RASAL3: variants seen among roughly 807,000 people sequenced by gnomAD.
The protein encoded by RASAL3 is RAS protein activator like-3.
In RASAL3, 74 loss-of-function variants were observed where a neutral mutation model predicts 105.5. The observed-to-expected ratio is 0.70, with a 90% confidence interval of 0.58 to 0.85. The LOEUF (loss-of-function observed/expected upper bound fraction) is 0.85. Ranked by LOEUF, RASAL3 falls within the 40% of genes least tolerant of loss-of-function variation. The pLI is 0.00. For synonymous variants in RASAL3, 579 were observed against 591.6 expected, an observed-to-expected ratio of 0.98 and a Z score of 0.31; for missense variants, 1,352 against 1,392.0, an observed-to-expected ratio of 0.97 and a Z score of 0.46.
chr19:15,463,902 G>A, intron 2 of RASAL3, 129 bp downstream of exon 2: 1 of 836,846 alleles, frequency 1.2e-6, no homozygotes, highest in South Asian at 1.9e-5. Flanking sequence ...GGGCCCCAGC[G>A]GCTTCCTGCT....
chr19:15,458,143 CG>C, intron 8 of RASAL3, 184 bp downstream of exon 8: 1 of 652,456 alleles, frequency 1.5e-6, no homozygotes, highest in Non-Finnish European at 2.7e-6. Flanking sequence ...ACAGAAGGGG[CG>C]GGTCTGATAT....
chr19:15,460,299 C>A lies in RASAL3; in HGVS notation c.607-41G>T, dbSNP rs1191392227. ...TGTCAGCTGGACAGAAATCTGTGCT[C>A]CTTCCTCAGCTCCTTCCCTCCCAAG... On this transcript the variant is annotated intron_variant, in intron 5 of 17. Transcript: ENST00000343625. The A allele has an allele frequency of 8.3e-6, 13 of 1,568,460 alleles. 1 individual carries two copies. The East Asian group carries it at 3.0e-4, about 36-fold the overall frequency.
At position 15,457,418 on chromosome 19, in the gene RASAL3, CA is replaced by C; in HGVS notation, c.1304del (p.Leu435ArgfsTer46). On this transcript the variant is annotated frameshift_variant, in exon 9 of 18. Coordinates refer to ENST00000343625, the MANE Select transcript of RASAL3 (RefSeq NM_022904.3). LOFTEE classifies it high-confidence loss of function. This position sits in a 1 kb window ranked among gnomAD's most constrained non-coding sequence, Gnocchi z 8.6. Reference protein sequence around the residue: ...RVLPSERYKELAEFLTFHYAR... With the variant: ...RVLPSERYKEXAEFLTFHYAR... ...CATAGTGGAAGGTGAGGAACTCCGC[CA>C]GCTCCTTGTAGCGCTCGGACGGCAG... 6.9e-7 allele frequency: 1 copy of C among 1,447,868 alleles called. No individual in the cohort carries two copies. Among genetic ancestry groups the C allele is most frequent in the Non-Finnish European group, 9.1e-7 (1 of 1,103,826 alleles). 89.7% of individuals were successfully genotyped at this position (1,447,868 alleles called of 1,614,324 possible).
intron 2 of RASAL3, among the ~76,000 whole-genome samples, chr19:15,462,124 G>A (rs2145491123): frequency 6.6e-6 from 1 of 152,198 alleles, no homozygotes; most frequent in Non-Finnish European, 1.5e-5. Flanking sequence ...GGCCGAGGTG[G>A]GGCAGATTGC....
rs765433220 is a variant in RASAL3 at position 15,454,656 on chromosome 19, C to G, written c.1958+1G>C. ...CCCACCCCTAGCTTCCCAGCACCTA[C>G]GGGGCACGGTTGGCGAGGTTCTGGA... is the stretch of plus-strand genomic sequence containing the variant. On this transcript the variant is annotated splice_donor_variant, in intron 12 of 17. Coordinates refer to ENST00000343625, the MANE Select transcript of RASAL3 (RefSeq NM_022904.3). LOFTEE classifies it high-confidence loss of function. The G allele has an allele frequency of 6.2e-6, 10 of 1,609,488 alleles. No homozygotes were observed. Among genetic ancestry groups the G allele is most frequent in the Admixed American group, 1.7e-5 (1 of 59,838 alleles).
Position 15,453,555 on chromosome 19 carries a change from C to T in RASAL3, c.2280-58G>A, listed in dbSNP as rs1970227293. 4 of 1,444,476 alleles carry T rather than the reference C, an allele frequency of 2.8e-6. No individual in the cohort carries two copies. The South Asian group carries it at 5.6e-5, about 20-fold the overall frequency. The allele number at this position is 1,444,476 out of a possible 1,614,324, so 89.5% of individuals were successfully genotyped here. A position where few individuals can be genotyped will look rare whatever the true frequency, so the allele number is the denominator to read the frequency against. On this transcript the variant is annotated intron_variant, in intron 14 of 17. Coordinates refer to ENST00000343625, the MANE Select transcript of RASAL3 (RefSeq NM_022904.3). The surrounding 1 kb of genome is among the most constrained non-coding windows in gnomAD (Gnocchi z 4.2). ...ACTGGCCCCTGAGACGACCCCATCC[C>T]GACCTGACCAGAAGTGACCTCACCC...
chr19:15,457,300 G>T lies in RASAL3; in HGVS notation c.1423C>A (p.Arg475=), dbSNP rs1429010211. 3 of 1,299,406 alleles carry T rather than the reference G, an allele frequency of 2.3e-6. No homozygotes were observed. The highest frequency in any genetic ancestry group is 2.9e-6 in the Non-Finnish European group (3 of 1,024,984). The allele number at this position is 1,299,406 out of a possible 1,614,324, so 80.5% of individuals were successfully genotyped here. ...CTGTCGCGGTGCCGCACCTGCGCCCGGCCGGTGGCCCGCAGCACGCGCACC... is the reference window on the plus strand; with the variant it reads ...CTGTCGCGGTGCCGCACCTGCGCCCTGCCGGTGGCCCGCAGCACGCGCACC... ...AMVRVLRATG[R]AQALVTDLGT... is the part of the protein sequence containing the mutation. Residue 475 remains arginine (R), a synonymous_variant, in exon 9 of 18, where the codon CGG becomes AGG. Transcript: ENST00000343625. The surrounding 1 kb of genome is among the most constrained non-coding windows in gnomAD (Gnocchi z 8.6).
At chr19:15,460,161 A>C in intron 6 of RASAL3, 42 bp downstream of exon 6, 1 of 1,515,118 alleles carries the variant, frequency 6.6e-7, no homozygotes, top group African/African-American at 1.4e-5. Flanking sequence ...AGGAGGGGCC[A>C]GTGTTGAACC....
chr19:15,461,563 G>A lies in RASAL3; in HGVS notation c.373C>T (p.Pro125Ser). Residue 125 changes from proline to serine, a missense_variant, in exon 3 of 18, where the codon CCT becomes TCT. Pro to Ser is a moderately conservative substitution (Grantham distance 74). Around this residue, in one of 3 missense-constraint regions of RASAL3, gnomAD observed 344 missense variants for 339.6 expected, o/e 1.01. Transcript: ENST00000343625. Reference protein sequence around the residue: ...PELEPPTPQIPEAPTPNVPVW... With the variant: ...PELEPPTPQISEAPTPNVPVW... ...GGCACGTTGGGTGTGGGGGCCTCAG[G>A]GATCTGTGGGGTAGGGGGCTCCAGC... 6.5e-7 allele frequency: 1 copy of A among 1,534,944 alleles called. No individual in the cohort carries two copies. The highest frequency in any genetic ancestry group is 8.7e-7 in the Non-Finnish European group (1 of 1,146,204).
Position 15,454,166 on chromosome 19 carries a change from C to CG in RASAL3, c.2261dup (p.Ala755GlyfsTer149), listed in dbSNP as rs1568325081. 6.4e-6 allele frequency: 10 copies of CG among 1,563,924 alleles called. No individual in the cohort carries two copies. Among genetic ancestry groups the CG allele is most frequent in the Non-Finnish European group, 8.7e-6 (10 of 1,153,804 alleles). ...GAGGTTACCTGGAGTGGACCTGGGC[C>CG]GGGGGCAGTGGGAGACGCATTGGCA... On this transcript the variant is annotated frameshift_variant, in exon 14 of 18. Transcript: ENST00000343625. LOFTEE classifies it high-confidence loss of function.
chr19:15,461,708 G>GC (rs1483703895), intron 2 of RASAL3, 101 bp from the exon 3 acceptor site: 14 of 1,404,572 alleles, frequency 1.0e-5, no homozygotes, highest in Non-Finnish European at 1.3e-5. Flanking sequence ...CCTCCTAGGT[G>GC]CCCCCCACCC....
chr19:15,457,867 T>C lies in RASAL3; in HGVS notation c.889-33A>G, dbSNP rs777993339. ...TGGGAGTGGGATGGGGGGAAGCGTTTTGGTTTGTTGGCACCCCAAAGAAGG... is the reference window on the plus strand; with the variant it reads ...TGGGAGTGGGATGGGGGGAAGCGTTCTGGTTTGTTGGCACCCCAAAGAAGG... On this transcript the variant is annotated intron_variant, in intron 8 of 17. Coordinates refer to ENST00000343625, the MANE Select transcript of RASAL3 (RefSeq NM_022904.3). This position sits in a 1 kb window ranked among gnomAD's most constrained non-coding sequence, Gnocchi z 8.6. 3.2e-6 allele frequency: 5 copies of C among 1,542,062 alleles called. No homozygotes were observed. The highest frequency in any genetic ancestry group is 2.0e-5 in the Admixed American group (1 of 49,456).
At chr19:15,458,224 T>A in intron 8 of RASAL3, 104 bp downstream of exon 8, 3 of 1,036,668 alleles carry the variant, frequency 2.9e-6, no homozygotes, top group Non-Finnish European at 4.3e-6. Flanking sequence ...GGCAGGTGTG[T>A]TGGGGGCGCG....
Position 15,457,205 on chromosome 19 carries a change from A to G in RASAL3, c.1431+87T>C, listed in dbSNP as rs930231225. 22 of 1,104,562 alleles carry G rather than the reference A, an allele frequency of 2.0e-5. No individual in the cohort carries two copies. The highest frequency in any genetic ancestry group is 1.6e-5 in the Non-Finnish European group (14 of 869,270). 68.4% of individuals were successfully genotyped at this position (1,104,562 alleles called of 1,614,324 possible). On this transcript the variant is annotated intron_variant, in intron 9 of 17. Transcript: ENST00000343625. This position sits in a 1 kb window ranked among gnomAD's most constrained non-coding sequence, Gnocchi z 8.6. Reference sequence around the variant, plus strand: ...AGGTGTCTCCCCCATTACAGGTGCAACTCAGGTCCTGCGCCCCAACTCCTG... The same window carrying G: ...AGGTGTCTCCCCCATTACAGGTGCAGCTCAGGTCCTGCGCCCCAACTCCTG...
chr19:15,463,852 C>G (rs1048472836), intron 2 of RASAL3, among the ~76,000 whole-genome samples, 179 bp downstream of exon 2: 2 of 152,212 alleles, frequency 1.3e-5, no homozygotes, highest in African/African-American at 4.8e-5. Flanking sequence ...CCGGCAACTC[C>G]TCCTACCCTC....
chr19:15,463,284 G>A (rs553975306), intron 2 of RASAL3, among the ~76,000 whole-genome samples: 56 of 152,050 alleles, frequency 3.7e-4, no homozygotes, highest in African/African-American at 1.3e-3. Context: ...GTAGAAACAG[G>A]GTTTTGCCAT....
At chr19:15,455,352 G>A (rs148240227) in intron 11 of RASAL3, among the ~76,000 whole-genome samples, 2,641 of 152,284 alleles carry the variant, frequency 0.017, 36 homozygotes, top group Middle Eastern at 0.065. Context: ...AGGGTCAGAG[G>A]TCAAGGGATT....
At position 15,461,598 on chromosome 19, in the gene RASAL3, G is replaced by A. The variant is rs777124930; in HGVS notation, c.338C>T (p.Pro113Leu). The change falls in exon 3 of 18, where the codon CCG (proline) becomes CTG (leucine). Residue 113 changes from proline to leucine, a missense_variant. Pro to Leu is a moderately conservative substitution (Grantham distance 98). Around this residue, in one of 3 missense-constraint regions of RASAL3, gnomAD observed 344 missense variants for 339.6 expected, o/e 1.01. Coordinates refer to ENST00000343625, the MANE Select transcript of RASAL3 (RefSeq NM_022904.3). Reference sequence around the variant, plus strand: ...GGTAGGGGGCTCCAGCTCTGGCTCCGGCTCCAGCTCTGGGAAGAAGAGGAG... The same window carrying A: ...GGTAGGGGGCTCCAGCTCTGGCTCCAGCTCCAGCTCTGGGAAGAAGAGGAG... ...EPEQEAPELE[P>L]EPELEPPTPQ... is the part of the protein sequence containing the mutation. 42 of 1,531,182 alleles carry A rather than the reference G, an allele frequency of 2.7e-5. No individual in the cohort carries two copies. Among genetic ancestry groups the A allele is most frequent in the African/African-American group, 5.6e-5 (4 of 71,320 alleles). The allele number at this position is 1,531,182 out of a possible 1,614,324, so 94.8% of individuals were successfully genotyped here.
rs1970199342 is a variant in RASAL3 at position 15,452,784 on chromosome 19, A to G, written c.2702T>C (p.Leu901Pro). The G allele has an allele frequency of 6.4e-7, 1 of 1,564,248 alleles. No homozygotes were observed. Among genetic ancestry groups the G allele is most frequent in the Non-Finnish European group, 8.7e-7 (1 of 1,154,004 alleles). ...LAELQCEVAA[L>P]REEQKVLSRL... ...GGACAGCACTTTCTGCTCCTCACGC[A>G]GAGCGGCCACCTCGCACTGCAGCTC... Residue 901 changes from leucine to proline, a missense_variant, in exon 16 of 18, where the codon CTG becomes CCG. Transcript: ENST00000343625.
Sources: gnomAD v4.1 joint callset for allele counts (sites outside exome capture counted in the v4.1 genomes callset) on GRCh38, gnomAD v4.1.1 for gene constraint, gnomAD v4.1.1 regional missense constraint, Gnocchi (gnomAD v3.1) non-coding constraint, MANE v1.5 for transcripts, NCBI Gene and HGNC (gene_info 2026-07-23, HGNC 2026-07-21) for gene names.